The following GALNT13 variants were observed in gnomAD, a reference collection of about 807,000 sequenced individuals.
GALNT13 encodes the protein polypeptide N-acetylgalactosaminyltransferase 13.
In GALNT13, 28 loss-of-function variants were observed where a neutral mutation model predicts 64.2. The observed-to-expected ratio is 0.44, with a 90% CI of 0.32 to 0.60. GALNT13 has a LOEUF of 0.60. Among genes scored for constraint, GALNT13 ranks in the 20% least tolerant of loss-of-function variants. The pLI is 0.05. For synonymous variants in GALNT13, 214 were observed against 224.6 expected, an observed-to-expected ratio of 0.95 and a Z score of 0.42; for missense variants, 577 against 669.8, an observed-to-expected ratio of 0.86 and a Z score of 1.53.
chr2:154,140,846 T>C lies in GALNT13; in HGVS notation c.311+341T>C, dbSNP rs7564583. On this transcript the variant is annotated intron_variant, in intron 4 of 12. Coordinates refer to ENST00000392825, the MANE Select transcript of GALNT13 (RefSeq NM_052917.4). ...TTAGTAGATTACAGTCGTATATTGC[T>C]TAACACTGCAGAAATGTTCTGGAAA... Among the ~76,000 whole-genome samples the C allele has an allele frequency of 5.0e-3, 762 of 152,292 alleles. 5 individuals carry two copies. The highest frequency in any genetic ancestry group is 0.016 in the African/African-American group (671 of 41,578).
chr2:154,046,471 A>G (rs1699294346), intron 3 of GALNT13, among the ~76,000 whole-genome samples: 1 of 152,202 alleles, frequency 6.6e-6, no homozygotes, highest in African/African-American at 2.4e-5. Flanking sequence ...GCTATCTTAC[A>G]GATCTTTTGT....
At chr2:153,266,885 C>T in the GALNT13 span, among the ~76,000 whole-genome samples, 1 of 152,154 alleles carries the variant, frequency 6.6e-6, no homozygotes, top group Non-Finnish European at 1.5e-5. Flanking sequence ...TCCAGCATTA[C>T]CCCAAAAGTC....
intron 3 of GALNT13, among the ~76,000 whole-genome samples, chr2:154,032,864 CTTTTTTTTTT>C (rs70981694): frequency 9.1e-6 from 1 of 110,110 alleles, no homozygotes; most frequent in Admixed American, 1.0e-4. Context: ...CCTACATTTC[CTTTTTTTTTT>C]TTTTTTTTTT....
intron 4 of GALNT13, among the ~76,000 whole-genome samples, chr2:154,143,574 C>G (rs10194912): frequency 6.7e-6 from 1 of 149,522 alleles, no homozygotes; most frequent in Non-Finnish European, 1.5e-5. Context: ...TTAAGAATCT[C>G]TGCCAGGCAC....
the GALNT13 span, among the ~76,000 whole-genome samples, chr2:153,220,011 C>T: frequency 5.3e-5 from 8 of 152,316 alleles, no homozygotes; most frequent in South Asian, 8.3e-4. Context: ...CCTTCATCCT[C>T]GCTTTTCTTG....
At chr2:153,811,031 C>T in the GALNT13 span, among the ~76,000 whole-genome samples, 5 of 152,010 alleles carry the variant, frequency 3.3e-5, no homozygotes, top group African/African-American at 1.2e-4. Flanking sequence ...AGATAATGCC[C>T]CTATTACTAA....
the GALNT13 span, among the ~76,000 whole-genome samples, chr2:153,302,095 AC>A: frequency 6.6e-6 from 1 of 152,124 alleles, no homozygotes; most frequent in African/African-American, 2.4e-5. Flanking sequence ...TATGGTAGTT[AC>A]GTTATACTTT....
chr2:153,371,056 G>C, the GALNT13 span: 6 of 209,506 alleles, frequency 2.9e-5, no homozygotes, highest in African/African-American at 4.6e-5. Flanking sequence ...CAACACAATT[G>C]GGATTATTAA....
chr2:153,762,614 C>A, the GALNT13 span: 1 of 159,692 alleles, frequency 6.3e-6, no homozygotes. Flanking sequence ...GTTTGACCCT[C>A]CAAAAATCAT....
chr2:153,814,477 A>G, the GALNT13 span, among the ~76,000 whole-genome samples: 22,748 of 91,778 alleles, frequency 0.25, 1,908 homozygotes, highest in Middle Eastern at 0.33. Context: ...AAATAAATAA[A>G]TAAATAAATA....
the GALNT13 span, among the ~76,000 whole-genome samples, chr2:153,324,037 G>A: frequency 6.6e-6 from 1 of 152,118 alleles, no homozygotes; most frequent in African/African-American, 2.4e-5. Context: ...AAAGTCAATG[G>A]TAGCTTGATG....
the GALNT13 span, among the ~76,000 whole-genome samples, chr2:153,650,979 G>A: frequency 2.1e-3 from 326 of 152,202 alleles, no homozygotes; most frequent in African/African-American, 7.5e-3. Context: ...TGCTGTGAGA[G>A]AACAAAATCA....
intron 3 of GALNT13, among the ~76,000 whole-genome samples, chr2:153,963,556 C>A (rs1446596337): frequency 1.3e-5 from 2 of 152,170 alleles, no homozygotes; most frequent in East Asian, 3.9e-4. Flanking sequence ...TAGGAAATAT[C>A]TAGTTACTTC....
At chr2:154,336,788 A>C (rs1317665824) in intron 9 of GALNT13, among the ~76,000 whole-genome samples, 1 of 152,070 alleles carries the variant, frequency 6.6e-6, no homozygotes, top group African/African-American at 2.4e-5. Context: ...AAGGAAATCT[A>C]CAGTGAAATT....
At chr2:153,860,609 C>T in the GALNT13 span, among the ~76,000 whole-genome samples, 1 of 152,122 alleles carries the variant, frequency 6.6e-6, no homozygotes, top group East Asian at 1.9e-4. Flanking sequence ...TGTTGGGAAG[C>T]CAGTCTTCTC....
chr2:153,344,818 A>G, the GALNT13 span, among the ~76,000 whole-genome samples: 1 of 152,202 alleles, frequency 6.6e-6, no homozygotes, highest in African/African-American at 2.4e-5. Flanking sequence ...TGTGATAGTC[A>G]TTTCACTATG....
At chr2:153,632,798 G>T in the GALNT13 span, among the ~76,000 whole-genome samples, 1 of 151,682 alleles carries the variant, frequency 6.6e-6, no homozygotes, top group Admixed American at 6.6e-5. Context: ...TTTTGCCCAG[G>T]CTAGAGTGAG....
intron 3 of GALNT13, among the ~76,000 whole-genome samples, chr2:154,031,445 A>G (rs1698333155): frequency 6.6e-6 from 1 of 152,076 alleles, no homozygotes; most frequent in Non-Finnish European, 1.5e-5. Context: ...GTCTAAACAC[A>G]TTAATTTAAA....
At chr2:153,705,266 T>A in the GALNT13 span, among the ~76,000 whole-genome samples, 1 of 152,170 alleles carries the variant, frequency 6.6e-6, no homozygotes, top group Non-Finnish European at 1.5e-5. Flanking sequence ...TTTCCATTTT[T>A]TTCCTGTAAA....
Sources: allele counts gnomAD v4.1 joint callset (sites outside exome capture counted in the v4.1 genomes callset), GRCh38; gene constraint gnomAD v4.1.1; transcripts MANE v1.5; gene names NCBI Gene and HGNC (gene_info 2026-07-23, HGNC 2026-07-21).